The following UMODL1 variants were observed in gnomAD, a reference collection of about 807,000 sequenced individuals.
UMODL1 encodes the protein uromodulin like 1.
UMODL1 carries 128 observed loss-of-function variants against 136.3 expected under a neutral mutation model. That is an observed-to-expected ratio of 0.94 (90% CI 0.81 to 1.09). The LOEUF (loss-of-function observed/expected upper bound fraction) is 1.09. Among genes scored for constraint, UMODL1 ranks in the 50% least tolerant of loss-of-function variants. The pLI is 0.00. For missense variants in UMODL1, 1,766 were observed against 1,725.6 expected (o/e 1.02, Z -0.41); for synonymous variants, 721 against 720.0 (o/e 1.00, Z -0.02).
chr21:42,099,073 G>A lies in UMODL1; in HGVS notation c.1079G>A (p.Ser360Asn), dbSNP rs1364070072. The A allele has an allele frequency of 1.9e-6, 3 of 1,614,222 alleles. No homozygotes were observed. Among genetic ancestry groups the A allele is most frequent in the Admixed American group, 1.7e-5 (1 of 60,030 alleles). ...MELLRSARTQ[S>N]QALAVAGLEA... is the part of the protein sequence containing the mutation. ...TTGCTCAGGAGCGCCAGGACACAGA[G>A]CCAGGCACTGGCAGTGGCTGGGCTG... The change falls in exon 7 of 23, where the codon AGC (serine) becomes AAC (asparagine). Residue 360 changes from serine (S) to asparagine (N), a missense_variant. By Grantham distance (46) the Ser-to-Asn change is conservative. Transcript: ENST00000408910. This position sits in a 1 kb window ranked among gnomAD's most constrained non-coding sequence, Gnocchi z 4.1.
At chr21:42,129,934 T>C in intron 21 of UMODL1, 137 bp downstream of exon 21, 1 of 631,700 alleles carries the variant, frequency 1.6e-6, no homozygotes, top group Non-Finnish European at 2.6e-6. Flanking sequence ...ATAACAGAAA[T>C]ACTCATAGTT....
intron 1 of UMODL1, among the ~76,000 whole-genome samples, chr21:42,075,199 G>A (rs1239484208): frequency 6.6e-6 from 1 of 151,540 alleles, no homozygotes; most frequent in Non-Finnish European, 1.5e-5. Flanking sequence ...ACCGCGCCCA[G>A]CCCACACCCG....
chr21:42,111,446 G>T, intron 11 of UMODL1, 60 bp from the exon 12 acceptor site: 1 of 1,613,802 alleles, frequency 6.2e-7, no homozygotes, highest in Non-Finnish European at 8.5e-7. Flanking sequence ...GAAGGCTACT[G>T]GGTCAACCCA....
chr21:42,142,406 G>C lies in UMODL1; in HGVS notation c.*332G>C, dbSNP rs544093043. Reference sequence around the variant, plus strand: ...GTGCTGCGGCTACACCACCACCCGCGCGGCCCCCGCAGCCTAGACCTCCCA... The same window carrying C: ...GTGCTGCGGCTACACCACCACCCGCCCGGCCCCCGCAGCCTAGACCTCCCA... On this transcript the variant is annotated 3_prime_UTR_variant, in exon 23 of 23. Coordinates refer to ENST00000408910, the MANE Select transcript of UMODL1 (RefSeq NM_001004416.3). The C allele has an allele frequency of 2.0e-5, 3 of 152,262 alleles. No individual in the cohort carries two copies. Among genetic ancestry groups the C allele is most frequent in the Non-Finnish European group, 4.4e-5 (3 of 68,094 alleles). 9.4% of individuals were successfully genotyped at this position (152,262 alleles called of 1,614,324 possible).
At chr21:42,104,120 G>A (rs764550756) in intron 9 of UMODL1, 33 bp downstream of exon 9, 2 of 1,581,396 alleles carry the variant, frequency 1.3e-6, no homozygotes, top group Admixed American at 3.4e-5. Context: ...GCTGCCTGGT[G>A]TCCTCCAGCT....
At chr21:42,128,915 T>C (rs1005583987) in intron 20 of UMODL1, among the ~76,000 whole-genome samples, 7 of 152,210 alleles carry the variant, frequency 4.6e-5, no homozygotes, top group African/African-American at 7.2e-5. Flanking sequence ...TGGAAACTTA[T>C]TGTCTCTGTT....
rs757847032 is a variant in UMODL1 at position 42,098,970 on chromosome 21, G to A, written c.976G>A (p.Asp326Asn). ...SDYVVLNVTSDSFQVSWRLNS... is the reference protein window; with the variant it reads ...SDYVVLNVTSNSFQVSWRLNS... ...CTACGTGGTCCTCAACGTCACCAGT[G>A]ACAGTTTTCAAGTATCCTGGCGTTT... Residue 326 changes from aspartate to asparagine, a missense_variant, in exon 7 of 23, where the codon GAC becomes AAC. Transcript: ENST00000408910. The A allele has an allele frequency of 2.1e-5, 34 of 1,614,096 alleles. No homozygotes were observed. The highest frequency in any genetic ancestry group is 2.7e-5 in the African/African-American group (2 of 74,938).
chr21:42,102,339 C>A (rs879243874), intron 8 of UMODL1, 61 bp downstream of exon 8: 1,791 of 1,239,420 alleles, frequency 1.4e-3, no homozygotes, highest in Admixed American at 0.011. Flanking sequence ...ACATCAAACA[C>A]AAGCCGTTAA....
upstream of UMODL1, among the ~76,000 whole-genome samples, chr21:42,066,737 T>C (rs988314419): frequency 6.6e-6 from 1 of 152,200 alleles, no homozygotes; most frequent in African/African-American, 2.4e-5. Flanking sequence ...GTGTGACAAA[T>C]GGCACTGTCA....
At chr21:42,063,893 G>C (rs1601159705) in intron 1 of UMODL1, among the ~76,000 whole-genome samples, 1 of 152,312 alleles carries the variant, frequency 6.6e-6, no homozygotes, top group South Asian at 2.1e-4. Context: ...TCTGCCCTCT[G>C]CCCTTCTTCC....
chr21:42,110,058 A>AGTGGCCTGGAGCCCGAGAGGGT (rs67963176), intron 10 of UMODL1, among the ~76,000 whole-genome samples: 2 of 152,090 alleles, frequency 1.3e-5, no homozygotes, highest in East Asian at 1.9e-4. Context: ...TTCCTTCCCC[A>AGTGGCCTGGAGCCCGAGAGGGT]GTGGCCTGGA....
At chr21:42,100,586 G>A (rs370408920) in intron 7 of UMODL1, among the ~76,000 whole-genome samples, 102 of 152,156 alleles carry the variant, frequency 6.7e-4, no homozygotes, top group Middle Eastern at 6.9e-3. Flanking sequence ...CAGGACTGAG[G>A]GGAGGGACAC....
intron 22 of UMODL1, among the ~76,000 whole-genome samples, chr21:42,138,738 G>C (rs979160976): frequency 3.3e-5 from 5 of 152,088 alleles, no homozygotes; most frequent in Admixed American, 1.3e-4. Context: ...ACCACACCCA[G>C]CTAGTTTTGT....
chr21:42,122,574 T>G lies in UMODL1; in HGVS notation c.2828-257T>G, dbSNP rs2146528438. Among the ~76,000 whole-genome samples the G allele has an allele frequency of 7.2e-6, 1 of 139,238 alleles. No individual in the cohort carries two copies. Among genetic ancestry groups the G allele is most frequent in the South Asian group, 2.3e-4 (1 of 4,310 alleles). The allele number at this position is 139,238 out of a possible 152,430, so 91.3% of individuals were successfully genotyped here. On this transcript the variant is annotated intron_variant, in intron 16 of 22. Transcript: ENST00000408910. The surrounding 1 kb of genome is among the most constrained non-coding windows in gnomAD (Gnocchi z 4.3). ...GTGTGTGTGTCTGCACGTGTGTGCG[T>G]GCGTGTGTGCATGTGTGTGCATGTG... is the stretch of plus-strand genomic sequence containing the variant.
chr21:42,102,510 T>C (rs970537840), intron 8 of UMODL1: 17 of 375,576 alleles, frequency 4.5e-5, no homozygotes, highest in African/African-American at 2.2e-4. Context: ...TTAAGATATG[T>C]GCCTTTATTC....
rs1359428674 is a variant in UMODL1, at chr21:42,119,247, A to T, written c.2612A>T (p.Glu871Val). The T allele has an allele frequency of 3.1e-6, 5 of 1,614,056 alleles. No homozygotes were observed. The highest frequency in any genetic ancestry group is 4.2e-6 in the Non-Finnish European group (5 of 1,180,034). Residue 871 changes from glutamate to valine, a missense_variant, in exon 15 of 23, where the codon GAG (glutamate) becomes GTG (valine). Glu to Val is a moderately radical substitution (Grantham distance 121). Coordinates refer to ENST00000408910, the MANE Select transcript of UMODL1 (RefSeq NM_001004416.3). The part of the protein sequence containing the change: ...LLIIADVDVQ[E>V]VSAAFLTAFQ... Reference sequence around the variant, plus strand: ...ATAATCGCAGATGTGGATGTCCAGGAGGTGTCAGCTGCATTTCTCACCGCC... The same window carrying T: ...ATAATCGCAGATGTGGATGTCCAGGTGGTGTCAGCTGCATTTCTCACCGCC...
At chr21:42,139,127 C>T (rs1303679853) in intron 22 of UMODL1, among the ~76,000 whole-genome samples, 1 of 152,104 alleles carries the variant, frequency 6.6e-6, no homozygotes, top group African/African-American at 2.4e-5. Context: ...GAGACTGCCC[C>T]ACTACACTCC....
At position 42,111,098 on chromosome 21, in the gene UMODL1, A is replaced by T; in HGVS notation, c.1876A>T (p.Thr626Ser). 1 of 1,612,436 alleles carries T rather than the reference A, an allele frequency of 6.2e-7. No individual in the cohort carries two copies. Among genetic ancestry groups the T allele is most frequent in the South Asian group, 1.1e-5 (1 of 90,776 alleles). The change falls in exon 11 of 23, where the codon ACA (threonine) becomes TCA (serine). Residue 626 changes from threonine to serine, a missense_variant. Coordinates refer to ENST00000408910, the MANE Select transcript of UMODL1 (RefSeq NM_001004416.3). ...SNVVGYDRNN[T>S]GKGVEQELQG... is the part of the protein sequence containing the mutation. ...TGTGGTCGGGTATGACAGGAACAAC[A>T]CAGGAAAAGGCGTGGAGCAGGAGGT...
intron 14 of UMODL1, 75 bp downstream of exon 14, chr21:42,116,060 C>T: frequency 8.2e-7 from 1 of 1,225,950 alleles, no homozygotes; most frequent in South Asian, 1.3e-5. Context: ...CTAGGTTAGG[C>T]ACGGTGGCTC....
Sources: allele counts gnomAD v4.1 joint callset (sites outside exome capture counted in the v4.1 genomes callset), GRCh38; gene constraint gnomAD v4.1.1; non-coding constraint Gnocchi (gnomAD v3.1); transcripts MANE v1.5; gene names NCBI Gene and HGNC (gene_info 2026-07-23, HGNC 2026-07-21).